The following ZNF385D variants were observed in gnomAD, a reference collection of about 807,000 sequenced individuals.
The protein encoded by ZNF385D is zinc finger protein 385D.
ZNF385D carries 15 observed loss-of-function variants against 35.8 expected under a neutral mutation model. The observed-to-expected ratio is 0.42, with a 90% CI of 0.28 to 0.64. The LOEUF is 0.64. ZNF385D is among the 30% of genes least tolerant of loss of function. The pLI, the probability that ZNF385D is intolerant of heterozygous loss-of-function variation, is 0.23. For synonymous variants in ZNF385D, 212 were observed against 186.8 expected, an observed-to-expected ratio of 1.13 and a Z score of -1.10; for missense variants, 474 against 494.6, an observed-to-expected ratio of 0.96 and a Z score of 0.39.
At chr3:21,914,716 A>G (rs1189913320) in intron 3 of ZNF385D, among the ~76,000 whole-genome samples, 2 of 152,114 alleles carry the variant, frequency 1.3e-5, no homozygotes, top group Non-Finnish European at 2.9e-5. Flanking sequence ...ATATAAAATT[A>G]TGAATGTGCA....
intron 3 of ZNF385D, among the ~76,000 whole-genome samples, chr3:22,127,588 C>T (rs890812662): frequency 1.3e-5 from 2 of 151,940 alleles, no homozygotes; most frequent in African/African-American, 4.8e-5. Flanking sequence ...GATCTGCCCA[C>T]CTTGGCCTCC....
intron 2 of ZNF385D, among the ~76,000 whole-genome samples, chr3:21,587,717 T>A (rs944757751): frequency 4.7e-5 from 7 of 150,404 alleles, no homozygotes; most frequent in Admixed American, 1.3e-4. Context: ...GAGTGAATGA[T>A]ATGTAACAGA....
chr3:21,435,956 A>T (rs975419203), intron 5 of ZNF385D, among the ~76,000 whole-genome samples: 6 of 152,204 alleles, frequency 3.9e-5, no homozygotes, highest in African/African-American at 1.2e-4. Flanking sequence ...TTACCAGTGC[A>T]GCACAATGAC....
chr3:21,627,924 A>C lies in ZNF385D; in HGVS notation c.165+36962T>G, dbSNP rs1405254827. Reference sequence around the variant, plus strand: ...ATAATCTTATCTAGAGTTTATCTTAAATTTTGTTGTGCTGACAAAAGCAGA... The same window carrying C: ...ATAATCTTATCTAGAGTTTATCTTACATTTTGTTGTGCTGACAAAAGCAGA... On this transcript the variant is annotated intron_variant, in intron 2 of 7. Coordinates refer to ENST00000281523, the MANE Select transcript of ZNF385D (RefSeq NM_024697.3). 3.3e-5 allele frequency among the ~76,000 whole-genome samples: 5 copies of C among 152,234 alleles called. No homozygotes were observed. The East Asian group carries it at 9.7e-4, about 30-fold the overall frequency.
chr3:22,191,691 G>A (rs1465536971), intron 2 of ZNF385D, among the ~76,000 whole-genome samples: 2 of 152,062 alleles, frequency 1.3e-5, no homozygotes, highest in African/African-American at 2.4e-5. Context: ...CTAACACAAT[G>A]TGTAGTACTT....
chr3:21,934,745 T>A (rs774325477), intron 3 of ZNF385D, among the ~76,000 whole-genome samples: 10 of 152,228 alleles, frequency 6.6e-5, no homozygotes, highest in Admixed American at 1.3e-4. Context: ...TTAAGCAATT[T>A]CTGCCTTGAG....
Position 21,804,615 on chromosome 3 carries a change from T to A in ZNF385D, c.326-139587A>T, listed in dbSNP as rs138702984. Among the ~76,000 whole-genome samples the A allele has an allele frequency of 1.7e-4, 26 of 152,346 alleles. No individual in the cohort carries two copies. The East Asian group carries it at 4.8e-3, about 28-fold the overall frequency. On this transcript the variant is annotated intron_variant, in intron 3 of 5. Coordinates refer to the ZNF385D transcript ENST00000494108. Reference sequence around the variant, plus strand: ...TTATGCAAGAAAACAAGGGTTTGAATCCTTCCTTCTACTTAAGAGCTATTT... The same window carrying A: ...TTATGCAAGAAAACAAGGGTTTGAAACCTTCCTTCTACTTAAGAGCTATTT...
chr3:21,518,423 C>T (rs1044377113), intron 3 of ZNF385D, among the ~76,000 whole-genome samples: 2 of 152,100 alleles, frequency 1.3e-5, no homozygotes, highest in African/African-American at 4.8e-5. Flanking sequence ...ATTATTGTCG[C>T]AGGACAATTC....
chr3:21,504,292 G>T (rs750653922), intron 4 of ZNF385D, among the ~76,000 whole-genome samples: 26 of 151,794 alleles, frequency 1.7e-4, no homozygotes, highest in Non-Finnish European at 2.5e-4. Context: ...CTCCTTTAGG[G>T]GTTAGACTTG....
At chr3:21,523,281 G>A (rs148253282) in intron 3 of ZNF385D, among the ~76,000 whole-genome samples, 27 of 152,242 alleles carry the variant, frequency 1.8e-4, no homozygotes, top group South Asian at 1.4e-3. Context: ...AAGTATGAAC[G>A]GAAGAGAACT....
In ZNF385D at chr3:22,070,596, G is replaced by A. The variant is rs116890150; in HGVS notation, c.325+98221C>T. Among the ~76,000 whole-genome samples, 55 of 152,148 alleles carry A rather than the reference G, an allele frequency of 3.6e-4. No individual in the cohort carries two copies. In the East Asian group the frequency reaches 9.3e-3, roughly 26 times the overall value. ...TAAAAGGATGAAACTATTTTCAAAT[G>A]GACAAACATCTGTTCTAGTCATAGA... On this transcript the variant is annotated intron_variant, in intron 3 of 5. Transcript: ENST00000494108.
chr3:21,952,797 C>CA (rs1299460705), intron 3 of ZNF385D, among the ~76,000 whole-genome samples: 2 of 151,754 alleles, frequency 1.3e-5, no homozygotes, highest in African/African-American at 4.8e-5. Context: ...ATGATTCTTT[C>CA]AAAAAAGTTC....
At chr3:21,508,691 C>T (rs1559358742) in intron 4 of ZNF385D, among the ~76,000 whole-genome samples, 1 of 152,138 alleles carries the variant, frequency 6.6e-6, no homozygotes, top group Non-Finnish European at 1.5e-5. Flanking sequence ...AAGCATTAAG[C>T]CTTATATAGA....
chr3:22,120,619 G>A (rs940122752), intron 3 of ZNF385D, among the ~76,000 whole-genome samples: 2 of 152,064 alleles, frequency 1.3e-5, no homozygotes, highest in Non-Finnish European at 2.9e-5. Flanking sequence ...TTTACTAGCT[G>A]CACGATACCA....
At chr3:21,686,034 G>A (rs1213235238) in intron 1 of ZNF385D, among the ~76,000 whole-genome samples, 1 of 152,170 alleles carries the variant, frequency 6.6e-6, no homozygotes, top group Non-Finnish European at 1.5e-5. Context: ...CCCAAAAAAT[G>A]AGAGACAAAG....
intron 3 of ZNF385D, among the ~76,000 whole-genome samples, chr3:22,156,983 G>GA (rs1361232433): frequency 6.6e-6 from 1 of 152,048 alleles, no homozygotes. Flanking sequence ...TAACCTCTCT[G>GA]AAAAAACTCT....
At chr3:22,175,098 G>T (rs534207739) in intron 2 of ZNF385D, among the ~76,000 whole-genome samples, 2 of 151,134 alleles carry the variant, frequency 1.3e-5, no homozygotes, top group East Asian at 3.9e-4. Context: ...TCACAGAAGG[G>T]GAGTTGTAAT....
At chr3:22,286,915 T>C (rs949027213) in intron 2 of ZNF385D, among the ~76,000 whole-genome samples, 1 of 152,084 alleles carries the variant, frequency 6.6e-6, no homozygotes, top group Non-Finnish European at 1.5e-5. Flanking sequence ...GTAGTCCAAG[T>C]TCAGTGTTTC....
intron 3 of ZNF385D, among the ~76,000 whole-genome samples, chr3:22,067,562 A>G (rs6777261): frequency 0.098 from 14,860 of 152,166 alleles, 905 homozygotes; most frequent in African/African-American, 0.18. Flanking sequence ...TCTCTTTCTA[A>G]TGATTCATAA....
Sources: allele counts gnomAD v4.1 joint callset (sites outside exome capture counted in the v4.1 genomes callset), GRCh38; gene constraint gnomAD v4.1.1; transcripts MANE v1.5; gene names NCBI Gene and HGNC (gene_info 2026-07-23, HGNC 2026-07-21).